Variants in ASIC2 observed in about 807,000 individuals in gnomAD.
ASIC2 encodes the protein acid sensing ion channel subunit 2.
Under a neutral mutation model 57.3 loss-of-function variants are expected in ASIC2, and 25 were observed. That is an observed-to-expected ratio of 0.44 (90% confidence interval 0.32 to 0.61). The LOEUF is 0.61. Ranked by LOEUF, ASIC2 falls within the 20% of genes least tolerant of loss-of-function variation. The pLI is 0.06. For missense variants in ASIC2, 641 were observed against 738.1 expected, an observed-to-expected ratio of 0.87 and a Z score of 1.52; for synonymous variants, 319 against 307.5, an observed-to-expected ratio of 1.04 and a Z score of -0.39.
At chr17:33,824,565 G>A (rs148693163) in intron 1 of ASIC2, among the ~76,000 whole-genome samples, 119 of 152,188 alleles carry the variant, frequency 7.8e-4, no homozygotes, top group African/African-American at 2.7e-3. Context: ...TTAACCTTGG[G>A]CAAATCACAT....
At chr17:33,639,191 A>G (rs568791927) in intron 1 of ASIC2, among the ~76,000 whole-genome samples, 1 of 151,946 alleles carries the variant, frequency 6.6e-6, no homozygotes, top group Non-Finnish European at 1.5e-5. Context: ...CCAAGGAGTC[A>G]ATCTGCTTAA....
At chr17:33,880,181 T>C (rs1264847274) in intron 1 of ASIC2, among the ~76,000 whole-genome samples, 1 of 151,990 alleles carries the variant, frequency 6.6e-6, no homozygotes, top group Non-Finnish European at 1.5e-5. Context: ...CATCCTAACA[T>C]CACAATTAAA....
At chr17:34,149,722 A>G (rs929454378) in intron 1 of ASIC2, among the ~76,000 whole-genome samples, 12 of 152,244 alleles carry the variant, frequency 7.9e-5, no homozygotes, top group African/African-American at 2.9e-4. Context: ...GTTGTTGTCA[A>G]AAATACAAAA....
At chr17:33,561,478 G>A (rs1916072123) in intron 1 of ASIC2, among the ~76,000 whole-genome samples, 1 of 152,174 alleles carries the variant, frequency 6.6e-6, no homozygotes, top group South Asian at 2.1e-4. Flanking sequence ...TTTGTGAAGG[G>A]TCTTCAGGAA....
intron 1 of ASIC2, among the ~76,000 whole-genome samples, chr17:33,129,771 G>T (rs906102333): frequency 3.9e-5 from 6 of 152,228 alleles, no homozygotes; most frequent in Non-Finnish European, 8.8e-5. Flanking sequence ...CCCCTGTCCT[G>T]TCCTGTGGGA....
intron 1 of ASIC2, among the ~76,000 whole-genome samples, chr17:34,100,874 T>C (rs1247626687): frequency 6.6e-6 from 1 of 152,244 alleles, no homozygotes; most frequent in Non-Finnish European, 1.5e-5. Context: ...CCATGGAGTT[T>C]TGTAGTGAAA....
intron 2 of ASIC2, among the ~76,000 whole-genome samples, chr17:33,095,143 T>A (rs1227578885): frequency 6.6e-6 from 1 of 152,200 alleles, no homozygotes; most frequent in Non-Finnish European, 1.5e-5. Context: ...TGCAGTGTCA[T>A]CATCACCATC....
Position 33,917,963 on chromosome 17 carries a change from G to GCACA in ASIC2, c.555+238011_555+238014dup, listed in dbSNP as rs35792828. Among the ~76,000 whole-genome samples the GCACA allele has an allele frequency of 3.4e-3, 466 of 138,514 alleles. 6 individuals carry two copies. The highest frequency in any genetic ancestry group is 0.011 in the African/African-American group (396 of 35,758). 90.9% of individuals were successfully genotyped at this position (138,514 alleles called of 152,430 possible). ...ATTCATTCCACACACACGTGCATGT[G>GCACA]CACACACACACACACACACACACAG... On this transcript the variant is annotated intron_variant, in intron 1 of 9. Coordinates refer to the ASIC2 transcript ENST00000359872.
intron 1 of ASIC2, among the ~76,000 whole-genome samples, chr17:33,856,386 G>A (rs1017571416): frequency 1.4e-5 from 1 of 70,442 alleles, no homozygotes; most frequent in Non-Finnish European, 3.2e-5. Context: ...CAGTGCTAGT[G>A]GTGGTGGCTG....
chr17:33,336,397 T>C (rs903764787), intron 1 of ASIC2, among the ~76,000 whole-genome samples: 1 of 152,104 alleles, frequency 6.6e-6, no homozygotes, highest in Admixed American at 6.6e-5. Flanking sequence ...TTTAAAGTAC[T>C]GCACTAAAAT....
chr17:33,767,720 T>A (rs562691638), intron 1 of ASIC2, among the ~76,000 whole-genome samples: 28 of 152,352 alleles, frequency 1.8e-4, no homozygotes, highest in African/African-American at 6.7e-4. Context: ...TATTGAAGGA[T>A]TTTAAAATTC....
At chr17:33,981,947 AC>A (rs1299846163) in intron 1 of ASIC2, among the ~76,000 whole-genome samples, 1 of 152,168 alleles carries the variant, frequency 6.6e-6, no homozygotes, top group Non-Finnish European at 1.5e-5. Flanking sequence ...CTTAACCACT[AC>A]TATCAGGGAG....
At chr17:33,065,870 G>A (rs551855397) in intron 3 of ASIC2, among the ~76,000 whole-genome samples, 3 of 152,252 alleles carry the variant, frequency 2.0e-5, no homozygotes, top group African/African-American at 7.2e-5. Flanking sequence ...TTTGAAATTG[G>A]AATGATTTTC....
At chr17:33,958,276 C>T (rs1591560) in intron 1 of ASIC2, among the ~76,000 whole-genome samples, 3 of 151,938 alleles carry the variant, frequency 2.0e-5, no homozygotes, top group South Asian at 2.1e-4. Flanking sequence ...TCTGGAGGAT[C>T]GTGGTCCTCT....
chr17:33,768,889 C>T (rs774052876), intron 1 of ASIC2, among the ~76,000 whole-genome samples: 24 of 152,216 alleles, frequency 1.6e-4, no homozygotes, highest in African/African-American at 5.1e-4. Context: ...TGGGGGAAGA[C>T]GACTTGCCCT....
At chr17:33,110,207 C>T (rs922962075) in intron 2 of ASIC2, among the ~76,000 whole-genome samples, 6 of 152,206 alleles carry the variant, frequency 3.9e-5, no homozygotes, top group Non-Finnish European at 8.8e-5. Flanking sequence ...TTTCTCTCTT[C>T]TACCACACAG....
At chr17:33,226,552 AC>A (rs1280328382) in intron 1 of ASIC2, among the ~76,000 whole-genome samples, 3 of 151,622 alleles carry the variant, frequency 2.0e-5, no homozygotes, top group East Asian at 1.9e-4. Flanking sequence ...CCTCTTCTTG[AC>A]CCCCCAGTCA....
upstream of ASIC2, among the ~76,000 whole-genome samples, chr17:33,296,999 G>A (rs2142189624): frequency 6.6e-6 from 1 of 152,308 alleles, no homozygotes; most frequent in South Asian, 2.1e-4. Flanking sequence ...CCTTTCATCA[G>A]ATTGAAGTCT....
chr17:33,855,756 C>T (rs1228236931), intron 1 of ASIC2, among the ~76,000 whole-genome samples: 1 of 152,058 alleles, frequency 6.6e-6, no homozygotes, highest in Non-Finnish European at 1.5e-5. Flanking sequence ...TGTTGCCTGA[C>T]CTAAGGGAAG....
Sources: allele counts gnomAD v4.1 joint callset (sites outside exome capture counted in the v4.1 genomes callset), GRCh38; gene constraint gnomAD v4.1.1; transcripts MANE v1.5; gene names NCBI Gene and HGNC (gene_info 2026-07-23, HGNC 2026-07-21).